FAM228B: variants seen among roughly 807,000 people sequenced by gnomAD.
The protein encoded by FAM228B is protein FAM228B.
In FAM228B, 38 loss-of-function variants were observed where a neutral mutation model predicts 42.6. The observed-to-expected ratio is 0.89, with a 90% confidence interval of 0.69 to 1.17. The LOEUF (loss-of-function observed/expected upper bound fraction) is 1.17, where lower values mean the gene tolerates loss of function less well. Ranked by LOEUF, FAM228B falls within the 50% of genes most tolerant of loss-of-function variation. The pLI is 0.00. For synonymous variants in FAM228B, 109 were observed against 122.3 expected (o/e 0.89, Z 0.72); for missense variants, 344 against 367.3 (o/e 0.94, Z 0.52).
In FAM228B at chr2:24,083,071, G is replaced by A. The variant is rs763458971; in HGVS notation, c.-210+2116G>A. 1.4e-5 allele frequency: 23 copies of A among 1,614,022 alleles called. No homozygotes were observed. Among genetic ancestry groups the A allele is most frequent in the Non-Finnish European group, 1.9e-5 (22 of 1,180,034 alleles). The stretch of plus-strand genomic sequence containing the variant: ...ATCTTCCAGTGTCCCTGGCAGCCAG[G>A]CCCCAGCTCTGCCACATGTCCAGAT... On this transcript the variant is annotated intron_variant, in intron 2 of 10. Transcript: ENST00000613899.
At chr2:24,144,590 G>C (rs1000928826) in intron 5 of FAM228B, among the ~76,000 whole-genome samples, 7 of 152,152 alleles carry the variant, frequency 4.6e-5, no homozygotes, top group African/African-American at 1.7e-4. Context: ...GGAGAGGGAG[G>C]TGAGGCAGCC....
At chr2:24,114,957 T>C (rs931791670) in intron 3 of FAM228B, among the ~76,000 whole-genome samples, 1 of 152,192 alleles carries the variant, frequency 6.6e-6, no homozygotes, top group Non-Finnish European at 1.5e-5. Context: ...TTCAAAATGA[T>C]ACCAGATACC....
chr2:24,129,497 C>G (rs988062289), intron 2 of FAM228B, among the ~76,000 whole-genome samples: 7 of 152,170 alleles, frequency 4.6e-5, no homozygotes, highest in African/African-American at 1.7e-4. Context: ...TCATAGGTCA[C>G]TATGACTCTG....
At chr2:24,118,215 A>C (rs56113233) in intron 3 of FAM228B, among the ~76,000 whole-genome samples, 21,608 of 152,140 alleles carry the variant, frequency 0.14, 1,925 homozygotes, top group South Asian at 0.21. Context: ...CTGGCTCTCT[A>C]TGTCTCTGTT....
At chr2:24,152,161 G>T (rs1277833162) in intron 7 of FAM228B, among the ~76,000 whole-genome samples, 1 of 152,276 alleles carries the variant, frequency 6.6e-6, no homozygotes, top group Non-Finnish European at 1.5e-5. Context: ...GAGCCACCAC[G>T]CCCAGACAAT....
intron 3 of FAM228B, among the ~76,000 whole-genome samples, chr2:24,135,762 T>C (rs1666565719): frequency 6.6e-6 from 1 of 152,102 alleles, no homozygotes; most frequent in Non-Finnish European, 1.5e-5. Flanking sequence ...AATATTTTAT[T>C]TATTTCATTT....
chr2:24,100,246 A>G (rs577572815), intron 3 of FAM228B, among the ~76,000 whole-genome samples: 45 of 152,366 alleles, frequency 3.0e-4, no homozygotes, highest in African/African-American at 1.1e-3. Flanking sequence ...AGCAATGGCA[A>G]CAAAAGCCAA....
chr2:24,091,658 G>A (rs774373652), intron 2 of FAM228B, among the ~76,000 whole-genome samples: 13 of 152,078 alleles, frequency 8.5e-5, no homozygotes, highest in African/African-American at 1.4e-4. Context: ...AGTACAAGTT[G>A]TAAAAGCATA....
Position 24,084,420 on chromosome 2 carries a change from G to GCAGGACA in FAM228B, c.-210+3465_-210+3466insCAGGACA. On this transcript the variant is annotated intron_variant, in intron 2 of 10. Coordinates refer to the FAM228B transcript ENST00000613899. This position sits in a 1 kb window ranked among gnomAD's most constrained non-coding sequence, Gnocchi z 8.4. ...GCAGGGCAGGACAGGACAGGGCAGG[G>GCAGGACA]GCCGCTGTATCCTCGCGGAGCAGCC... The GCAGGACA allele has an allele frequency of 2.3e-6, 3 of 1,277,684 alleles. No individual in the cohort carries two copies. The highest frequency in any genetic ancestry group is 1.7e-5 in the South Asian group (1 of 59,008). 79.1% of individuals were successfully genotyped at this position (1,277,684 alleles called of 1,614,324 possible). A position where few individuals can be genotyped will look rare whatever the true frequency, so the allele number is the denominator to read the frequency against.
rs1381239220 is a variant in FAM228B at position 24,156,556 on chromosome 2, C to T, written c.687-4950C>T. On this transcript the variant is annotated intron_variant, in intron 7 of 10. Coordinates refer to ENST00000615575, the MANE Select transcript of FAM228B (RefSeq NM_001145710.2). ...GGCTGAGGCAGGAGAATCGCTTGAA[C>T]CCTGGAGGCAGAGGTTGCAGTGAGC... Among the ~76,000 whole-genome samples, 5 of 152,178 alleles carry T rather than the reference C, an allele frequency of 3.3e-5. No homozygotes were observed. The East Asian group carries it at 7.7e-4, about 23-fold the overall frequency.
chr2:24,122,341 G>T, upstream of FAM228B: 47 of 919,190 alleles, frequency 5.1e-5, no homozygotes, highest in Non-Finnish European at 7.1e-5. Flanking sequence ...AAAAAAAAAA[G>T]TCATGTCTGC....
At chr2:24,093,265 T>C (rs1388106246) in intron 2 of FAM228B, among the ~76,000 whole-genome samples, 1 of 152,158 alleles carries the variant, frequency 6.6e-6, no homozygotes, top group Non-Finnish European at 1.5e-5. Flanking sequence ...AAGCCCCTCA[T>C]GCATCAGGTG....
intron 3 of FAM228B, 61 bp downstream of exon 3, chr2:24,135,248 A>G (rs1374139440): frequency 1.2e-5 from 11 of 910,314 alleles, no homozygotes; most frequent in Non-Finnish European, 1.8e-5. Flanking sequence ...TCCTTTTTAT[A>G]TGTAGCATAT....
intron 2 of FAM228B, among the ~76,000 whole-genome samples, chr2:24,131,494 C>T (rs530302533): frequency 1.2e-3 from 185 of 152,224 alleles, no homozygotes; most frequent in African/African-American, 4.3e-3. Context: ...TCTGTCCTCT[C>T]TTATTTCCTT....
intron 2 of FAM228B, among the ~76,000 whole-genome samples, chr2:24,081,647 A>ATCCT (rs1485207344): frequency 6.6e-6 from 1 of 150,878 alleles, no homozygotes. Flanking sequence ...CACAATAGTC[A>ATCCT]TCCTTCACTA....
chr2:24,119,372 C>G (rs2303289), upstream of FAM228B, among the ~76,000 whole-genome samples: 21,279 of 152,232 alleles, frequency 0.14, 1,902 homozygotes, highest in South Asian at 0.21. Context: ...AAGACAGAAT[C>G]CTAGCAGTGT....
rs1664898230 is a variant in FAM228B, at chr2:24,079,387, A to G, written c.-289-1489A>G. ...AGAGCTTCCTTTCTCGGGGTAATGT[A>G]AATGAACCACACTTTTCTGGGTTAA... On this transcript the variant is annotated intron_variant, in intron 1 of 10. Transcript: ENST00000613899. 5 of 1,579,078 alleles carry G rather than the reference A, an allele frequency of 3.2e-6. No homozygotes were observed. The Admixed American group carries it at 8.8e-5, about 28-fold the overall frequency.
At chr2:24,111,861 C>CAA (rs34137148) in intron 3 of FAM228B, among the ~76,000 whole-genome samples, 1 of 151,104 alleles carries the variant, frequency 6.6e-6, no homozygotes, top group Non-Finnish European at 1.5e-5. Flanking sequence ...TCCCATCTGC[C>CAA]AAAAAAAACC....
chr2:24,143,244 A>G (rs905058286), intron 5 of FAM228B, among the ~76,000 whole-genome samples: 8 of 151,880 alleles, frequency 5.3e-5, no homozygotes, highest in Non-Finnish European at 7.4e-5. Context: ...GCAGTGGCCC[A>G]ATCTCGGCTC....
Sources: gnomAD v4.1 joint callset for allele counts (sites outside exome capture counted in the v4.1 genomes callset) on GRCh38, gnomAD v4.1.1 for gene constraint, Gnocchi (gnomAD v3.1) non-coding constraint, MANE v1.5 for transcripts, NCBI Gene and HGNC (gene_info 2026-07-23, HGNC 2026-07-21) for gene names.